Variants in EXOC2 observed in about 807,000 individuals in gnomAD.
The protein encoded by EXOC2 is SEC5-like 1.
In EXOC2, 70 loss-of-function variants were observed where a neutral mutation model predicts 131.8. The ratio of observed to expected loss-of-function variants is 0.53; its 90% confidence interval spans 0.44 to 0.65. The LOEUF is 0.65. Among genes scored for constraint, EXOC2 ranks in the 30% least tolerant of loss-of-function variants. EXOC2 has a pLI of 0.00. For missense variants in EXOC2, 923 were observed against 1,108.6 expected, an observed-to-expected ratio of 0.83 and a Z score of 2.38; for synonymous variants, 411 against 398.4, an observed-to-expected ratio of 1.03 and a Z score of -0.38.
At chr6:687,012 GC>G (rs1764686378) in intron 1 of EXOC2, among the ~76,000 whole-genome samples, 1 of 151,974 alleles carries the variant, frequency 6.6e-6, no homozygotes, top group Non-Finnish European at 1.5e-5. Flanking sequence ...AGTACCCAAT[GC>G]CCTACTACTC....
At chr6:622,356 A>G (rs1194773988) in intron 4 of EXOC2, among the ~76,000 whole-genome samples, 3 of 152,222 alleles carry the variant, frequency 2.0e-5, no homozygotes, top group African/African-American at 4.8e-5. Flanking sequence ...AAGTCCAAGT[A>G]ACCTAAGGAC....
intron 23 of EXOC2, among the ~76,000 whole-genome samples, chr6:516,109 C>T (rs1311432692): frequency 2.0e-5 from 3 of 152,156 alleles, no homozygotes; most frequent in African/African-American, 4.8e-5. Flanking sequence ...TATAACCCTA[C>T]GCTACTCCAG....
At chr6:491,810 A>C (rs1378487991) in intron 25 of EXOC2, among the ~76,000 whole-genome samples, 1 of 152,240 alleles carries the variant, frequency 6.6e-6, no homozygotes. Flanking sequence ...AGACTTTCTG[A>C]CTTCAGCCAT....
Position 532,556 on chromosome 6 carries a change from C to A in EXOC2, c.2293G>T (p.Glu765Ter). 1 of 1,609,102 alleles carries A rather than the reference C, an allele frequency of 6.2e-7. No individual in the cohort carries two copies. The highest frequency in any genetic ancestry group is 8.5e-7 in the Non-Finnish European group (1 of 1,178,394). The stretch of plus-strand genomic sequence containing the variant: ...CCAACGATGGGATCTGCTTTCAACT[C>A]GATGTAATTTTCAAAGAGTCTTTGA... ...LDQRLFENYI[E>*]LKADPIVGSL... Residue 765 changes from glutamate (E) to a stop codon, truncating the protein, a stop_gained, in exon 23 of 28, where the codon GAG (glutamate) becomes TAG (stop). Transcript: ENST00000230449. LOFTEE classifies it high-confidence loss of function.
chr6:688,500 A>G (rs1385021688), intron 1 of EXOC2, among the ~76,000 whole-genome samples: 1 of 152,246 alleles, frequency 6.6e-6, no homozygotes, highest in Non-Finnish European at 1.5e-5. Context: ...AGCGCCTGAT[A>G]GATGCAGTGG....
At chr6:491,528 G>T (rs1763434562) in intron 25 of EXOC2, among the ~76,000 whole-genome samples, 1 of 152,278 alleles carries the variant, frequency 6.6e-6, no homozygotes, top group South Asian at 2.1e-4. Flanking sequence ...CAAGAGGAAA[G>T]ACACTTTGAA....
At chr6:632,732 G>C (rs747243358) in intron 3 of EXOC2, among the ~76,000 whole-genome samples, 6 of 152,280 alleles carry the variant, frequency 3.9e-5, no homozygotes, top group Admixed American at 2.0e-4. Context: ...GTCATCCTTA[G>C]GCTTCACTGA....
rs756896756 is a variant in EXOC2 at position 592,578 on chromosome 6, A to G, written c.1083T>C (p.Ser361=). The change falls in exon 11 of 28, where the codon TCT becomes TCC. Residue 361 remains serine, a synonymous_variant. Coordinates refer to ENST00000230449, the MANE Select transcript of EXOC2 (RefSeq NM_018303.6). Reference sequence around the variant, plus strand: ...CAGGGTCACCAGACGCATGAAGGTCAGACAGGTACCTGAAAAAGCAAGTCC... The same window carrying G: ...CAGGGTCACCAGACGCATGAAGGTCGGACAGGTACCTGAAAAAGCAAGTCC... ...HDQKRYIRYL[S]DLHASGDPAW... 64 of 1,613,618 alleles carry G rather than the reference A, an allele frequency of 4.0e-5. No individual in the cohort carries two copies. Among genetic ancestry groups the G allele is most frequent in the Non-Finnish European group, 5.2e-5 (61 of 1,179,700 alleles).
At chr6:692,859 C>CG (rs948098605) in intron 1 of EXOC2, among the ~76,000 whole-genome samples, 160 bp downstream of exon 1, 1 of 151,586 alleles carries the variant, frequency 6.6e-6, no homozygotes, top group African/African-American at 2.4e-5. Context: ...CTGGGAACCG[C>CG]GGGGGGTCGC....
At chr6:614,239 A>G (rs890963296) in intron 6 of EXOC2, among the ~76,000 whole-genome samples, 2 of 152,080 alleles carry the variant, frequency 1.3e-5, no homozygotes, top group African/African-American at 2.4e-5. Flanking sequence ...GGGTCACTCA[A>G]TATCAGCCTG....
intron 1 of EXOC2, among the ~76,000 whole-genome samples, chr6:675,112 G>A (rs1032106062): frequency 6.6e-6 from 1 of 152,074 alleles, no homozygotes; most frequent in African/African-American, 2.4e-5. Context: ...TGTGTGGTGC[G>A]GCTTGCCCAC....
chr6:673,983 A>G (rs1763995321), intron 1 of EXOC2, among the ~76,000 whole-genome samples: 1 of 152,208 alleles, frequency 6.6e-6, no homozygotes. Context: ...AACTGCAATT[A>G]AGCGAGTTAT....
At chr6:549,010 G>C (rs1170134244) in intron 22 of EXOC2, among the ~76,000 whole-genome samples, 165 bp downstream of exon 22, 1 of 152,190 alleles carries the variant, frequency 6.6e-6, no homozygotes, top group Non-Finnish European at 1.5e-5. Context: ...TGGGAAGGAA[G>C]GGAATCATCC....
Position 568,164 on chromosome 6 carries a change from G to A in EXOC2, c.1444-3235C>T, listed in dbSNP as rs574715442. Among the ~76,000 whole-genome samples, 98 of 152,288 alleles carry A rather than the reference G, an allele frequency of 6.4e-4. 1 individual carries two copies. The highest frequency in any genetic ancestry group is 2.1e-3 in the African/African-American group (89 of 41,560). ...AGACATTTGGTGAAACATTACTCTAGGTGTGTCTGTGAGGTGTTTCTGGAT... is the reference window on the plus strand; with the variant it reads ...AGACATTTGGTGAAACATTACTCTAAGTGTGTCTGTGAGGTGTTTCTGGAT... On this transcript the variant is annotated intron_variant, in intron 13 of 27. Transcript: ENST00000230449.
In EXOC2 at chr6:486,523, G is replaced by A. The variant is rs542806792; in HGVS notation, c.*148C>T. ...CAAATGAGGTCATTTTGGTTGAAATGTATACCAACAATTTTCGAAGTCAGA... is the reference window on the plus strand; with the variant it reads ...CAAATGAGGTCATTTTGGTTGAAATATATACCAACAATTTTCGAAGTCAGA... On this transcript the variant is annotated 3_prime_UTR_variant, in exon 28 of 28. Transcript: ENST00000230449. The A allele has an allele frequency of 1.0e-4, 68 of 658,974 alleles. 1 individual carries two copies. The highest frequency in any genetic ancestry group is 3.4e-4 in the Admixed American group (12 of 35,208). The allele number at this position is 658,974 out of a possible 1,614,324, so 40.8% of individuals were successfully genotyped here.
intron 1 of EXOC2, among the ~76,000 whole-genome samples, chr6:657,961 C>T (rs2127753078): frequency 6.6e-6 from 1 of 152,210 alleles, no homozygotes. Context: ...ATTCTTTGCC[C>T]TTGGGAAATA....
At chr6:616,662 A>G (rs1761028355) in intron 6 of EXOC2, among the ~76,000 whole-genome samples, 1 of 151,628 alleles carries the variant, frequency 6.6e-6, no homozygotes, top group South Asian at 2.1e-4. Context: ...CATCACATAC[A>G]CTGCATCACA....
At chr6:528,489 T>C (rs1765880910) in intron 23 of EXOC2, among the ~76,000 whole-genome samples, 2 of 152,210 alleles carry the variant, frequency 1.3e-5, no homozygotes, top group South Asian at 4.1e-4. Context: ...TTAGTAATCA[T>C]GAAGTCAAAA....
At position 592,545 on chromosome 6, in the gene EXOC2, T is replaced by A; in HGVS notation, c.1116A>T (p.Gln372His). The change falls in exon 11 of 28, where the codon CAA (glutamine) becomes CAT (histidine). Residue 372 changes from glutamine to histidine, a missense_variant. Gln to His is a conservative substitution (Grantham distance 24). Transcript: ENST00000230449. ...DLHASGDPAW[Q>H]CIGAQHKWIL... ...TCCACTTGTGTTGGGCTCCAATGCA[T>A]TGCCAAGCAGGGTCACCAGACGCAT... 3 of 1,614,054 alleles carry A rather than the reference T, an allele frequency of 1.9e-6. No individual in the cohort carries two copies. Among genetic ancestry groups the A allele is most frequent in the Non-Finnish European group, 2.5e-6 (3 of 1,179,986 alleles).
Sources: allele counts gnomAD v4.1 joint callset (sites outside exome capture counted in the v4.1 genomes callset), GRCh38; gene constraint gnomAD v4.1.1; transcripts MANE v1.5; gene names NCBI Gene and HGNC (gene_info 2026-07-23, HGNC 2026-07-21).